The following NDUFS7 variants were observed in gnomAD, a reference collection of about 807,000 sequenced individuals.
NDUFS7 encodes the protein NADH:ubiquinone oxidoreductase core subunit S7, also known as NADH dehydrogenase [ubiquinone] iron-sulfur protein 7, mitochondrial.
Under a neutral mutation model 31.1 loss-of-function variants are expected in NDUFS7, and 11 were observed. The observed-to-expected ratio is 0.35, with a 90% confidence interval of 0.22 to 0.59. The LOEUF is 0.59. NDUFS7 is among the 20% of genes least tolerant of loss of function. The pLI is 0.79. For missense variants in NDUFS7, 263 were observed against 324.2 expected (o/e 0.81, Z 1.45); for synonymous variants, 136 against 127.9 (o/e 1.06, Z -0.43).
At chr19:1,389,183 A>G (rs2082533586) in intron 4 of NDUFS7, 1 of 693,164 alleles carries the variant, frequency 1.4e-6, no homozygotes, top group Non-Finnish European at 2.6e-6. Flanking sequence ...ACACATGCAC[A>G]CACAAGCACA....
intron 4 of NDUFS7, chr19:1,389,179 G>T: frequency 1.4e-6 from 1 of 692,512 alleles, no homozygotes; most frequent in Non-Finnish European, 2.6e-6. Context: ...GCACACACAT[G>T]CACACACAAG....
intron 1 of NDUFS7, among the ~76,000 whole-genome samples, chr19:1,386,339 G>C (rs1194712982): frequency 6.6e-6 from 1 of 152,202 alleles, no homozygotes; most frequent in Non-Finnish European, 1.5e-5. Flanking sequence ...CAGCAGGGTT[G>C]GTTCCTGCTG....
chr19:1,393,794 C>A lies in NDUFS7; in HGVS notation c.544+464C>A. Reference sequence around the variant, plus strand: ...ACTGTGAGGTTAGGGTGAATTTGACCATCAGGAAAACTGTTAGTAGTAATT... The same window carrying A: ...ACTGTGAGGTTAGGGTGAATTTGACAATCAGGAAAACTGTTAGTAGTAATT... On this transcript the variant is annotated intron_variant, in intron 7 of 7. Coordinates refer to ENST00000233627, the MANE Select transcript of NDUFS7 (RefSeq NM_024407.5). The surrounding 1 kb of genome is among the most constrained non-coding windows in gnomAD (Gnocchi z 7.3). 1 of 409,052 alleles carries A rather than the reference C, an allele frequency of 2.4e-6. No homozygotes were observed. The allele number at this position is 409,052 out of a possible 1,614,324, so 25.3% of individuals were successfully genotyped here.
chr19:1,394,252 A>C, intron 7 of NDUFS7: 7 of 710,206 alleles, frequency 9.9e-6, no homozygotes, highest in Non-Finnish European at 1.5e-5. Context: ...GGTTCAGGTC[A>C]CCCCGGGGGC....
At chr19:1,389,287 AC>A in intron 4 of NDUFS7, 1 of 576,516 alleles carries the variant, frequency 1.7e-6, no homozygotes, top group Non-Finnish European at 3.3e-6. Context: ...ACTCGCACAC[AC>A]GTGCACATAT....
At chr19:1,390,549 G>A (rs980647864) in intron 4 of NDUFS7, 4 of 497,222 alleles carry the variant, frequency 8.0e-6, no homozygotes, top group African/African-American at 5.8e-5. Context: ...GCTACTACTC[G>A]CCTGTAGCCC....
chr19:1,390,860 G>A lies in NDUFS7; in HGVS notation c.229-11G>A, dbSNP rs1453878693. ...CGGGGGTGGCGTCTGACCCGAGCCC[G>A]GCCTCCGCAGAGTTCTCTGTGGCCC... On this transcript the variant is annotated splice_polypyrimidine_tract_variant and intron_variant, in intron 4 of 7. Coordinates refer to ENST00000233627, the MANE Select transcript of NDUFS7 (RefSeq NM_024407.5). 4.4e-6 allele frequency: 7 copies of A among 1,606,512 alleles called. No homozygotes were observed. Among genetic ancestry groups the A allele is most frequent in the South Asian group, 2.2e-5 (2 of 91,000 alleles).
intron 4 of NDUFS7, chr19:1,389,587 GT>G (rs2082540404): frequency 2.2e-6 from 1 of 446,804 alleles, no homozygotes; most frequent in Non-Finnish European, 4.6e-6. Flanking sequence ...GGTGAAAGCA[GT>G]GTTTTAAGTT....
chr19:1,390,792 T>G (rs1419063093), intron 4 of NDUFS7, 79 bp from the exon 5 acceptor site: 1 of 1,507,782 alleles, frequency 6.6e-7, no homozygotes, highest in South Asian at 1.2e-5. Context: ...TCGGGGGTTC[T>G]GGGTGCTCCA....
Position 1,383,926 on chromosome 19 carries a change from G to C in NDUFS7, c.-1G>C, listed in dbSNP as rs2144603471. 1.9e-6 allele frequency: 3 copies of C among 1,581,498 alleles called. No homozygotes were observed. Among genetic ancestry groups the C allele is most frequent in the Non-Finnish European group, 2.6e-6 (3 of 1,164,946 alleles). On this transcript the variant is annotated 5_prime_UTR_variant, in exon 1 of 8. Coordinates refer to ENST00000233627, the MANE Select transcript of NDUFS7 (RefSeq NM_024407.5). Reference sequence around the variant, plus strand: ...GAGGTTGTCTGAAGGCCGAGGCCAAGATGGCGGTGCTGTCAGGTGAGCGCG... The same window carrying C: ...GAGGTTGTCTGAAGGCCGAGGCCAACATGGCGGTGCTGTCAGGTGAGCGCG...
At chr19:1,385,331 A>G (rs192789392) in intron 1 of NDUFS7, among the ~76,000 whole-genome samples, 149 of 151,884 alleles carry the variant, frequency 9.8e-4, no homozygotes, top group Non-Finnish European at 1.4e-3. Context: ...CCTGGCCAAC[A>G]TGGAGAAACC....
intron 4 of NDUFS7, chr19:1,389,574 T>C: frequency 2.2e-6 from 1 of 452,342 alleles, no homozygotes; most frequent in Non-Finnish European, 4.5e-6. Context: ...GTTTCTCTTT[T>C]AAGGTGAAAG....
At chr19:1,388,106 A>T (rs1053857492) in intron 2 of NDUFS7, 3 of 604,472 alleles carry the variant, frequency 5.0e-6, no homozygotes, top group African/African-American at 3.7e-5. Flanking sequence ...GCTCACCGCC[A>T]CCTGGGGTGG....
intron 2 of NDUFS7, 147 bp from the exon 3 acceptor site, chr19:1,388,378 C>T (rs1286612696): frequency 2.5e-5 from 19 of 746,596 alleles, no homozygotes; most frequent in Admixed American, 4.1e-5. Flanking sequence ...ATGGCTCCAG[C>T]GGCTCTGGCC....
At chr19:1,390,434 A>G in intron 4 of NDUFS7, 1 of 253,062 alleles carries the variant, frequency 4.0e-6, no homozygotes, top group Non-Finnish European at 7.8e-6. Flanking sequence ...GATGGAGGAG[A>G]GGGGAGGGAG....
At chr19:1,394,935 A>C in intron 7 of NDUFS7, 1 of 1,116,016 alleles carries the variant, frequency 9.0e-7, no homozygotes, top group Non-Finnish European at 1.1e-6. Context: ...GCTCAGAAAG[A>C]GGGTCATCGG....
intron 4 of NDUFS7, chr19:1,389,233 G>C (rs1010834886): frequency 1.5e-6 from 1 of 664,908 alleles, no homozygotes; most frequent in East Asian, 2.9e-5. Context: ...ATGCACACTT[G>C]CACTCATGCA....
chr19:1,389,217 ACACACATG>A (rs1213718379), intron 4 of NDUFS7: 13 of 671,364 alleles, frequency 1.9e-5, no homozygotes, highest in South Asian at 4.6e-5. Context: ...TTGCACACAT[ACACACATG>A]CACACTTGCA....
chr19:1,393,733 G>A lies in NDUFS7; in HGVS notation c.544+403G>A, dbSNP rs535738550. The A allele has an allele frequency of 1.9e-5, 10 of 519,984 alleles. No homozygotes were observed. The highest frequency in any genetic ancestry group is 9.5e-5 in the African/African-American group (5 of 52,686). The allele number at this position is 519,984 out of a possible 1,614,324, so 32.2% of individuals were successfully genotyped here. A position where few individuals can be genotyped will look rare whatever the true frequency, so the allele number is the denominator to read the frequency against. ...GGACTCCCTGGGACCCGGGGTGGCCGGATTTGGCAAATGAAAACGTGGGAG... is the reference window on the plus strand; with the variant it reads ...GGACTCCCTGGGACCCGGGGTGGCCAGATTTGGCAAATGAAAACGTGGGAG... On this transcript the variant is annotated intron_variant, in intron 7 of 7. Transcript: ENST00000233627. The surrounding 1 kb of genome is among the most constrained non-coding windows in gnomAD (Gnocchi z 7.3).
Sources: allele counts gnomAD v4.1 joint callset (sites outside exome capture counted in the v4.1 genomes callset), GRCh38; gene constraint gnomAD v4.1.1; non-coding constraint Gnocchi (gnomAD v3.1); transcripts MANE v1.5; gene names NCBI Gene and HGNC (gene_info 2026-07-23, HGNC 2026-07-21).